SACS: variants seen among roughly 807,000 people sequenced by gnomAD.
The protein encoded by SACS is sacsin.
A neutral mutation model predicts 348.0 loss-of-function variants in SACS; 197 were observed. The observed-to-expected ratio is 0.57, with a 90% CI of 0.50 to 0.64. The LOEUF is 0.64. Among genes scored for constraint, SACS ranks in the 30% least tolerant of loss-of-function variants. The pLI is 0.00. For synonymous variants in SACS, 1,985 were observed against 1,910.6 expected (o/e 1.04, Z -1.02); for missense variants, 4,999 against 5,360.8 (o/e 0.93, Z 2.11).
At chr13:23,413,474 C>T (rs1012452218) in intron 1 of SACS, among the ~76,000 whole-genome samples, 2 of 152,206 alleles carry the variant, frequency 1.3e-5, no homozygotes, top group African/African-American at 4.8e-5. Context: ...TTACTTGTTT[C>T]AGCCCATCCA....
intron 3 of SACS, among the ~76,000 whole-genome samples, chr13:23,371,960 C>G (rs1232051205): frequency 2.0e-5 from 3 of 152,100 alleles, no homozygotes; most frequent in Non-Finnish European, 4.4e-5. Context: ...AAAGAAAGCC[C>G]CAGCCTGGGC....
rs1868650300 is a variant in SACS, at chr13:23,336,809, G to A, written c.7067C>T (p.Ser2356Leu). The A allele has an allele frequency of 6.2e-7, 1 of 1,613,530 alleles. No homozygotes were observed. The change falls in exon 10 of 10, where the codon TCA becomes TTA. Residue 2356 changes from serine (S) to leucine (L), a missense_variant. Around this residue, in one of 6 missense-constraint regions of SACS, gnomAD observed 3,156 missense variants for 3,380.1 expected, o/e 0.93. Coordinates refer to ENST00000382292, the MANE Select transcript of SACS (RefSeq NM_014363.6). ...FILVENAYVD[S>L]EKVSFHLNFE... ...ATTTAAATGAAAAGAAACCTTTTCT[G>A]AGTCAACATATGCATTCTCAACTAG...
chr13:23,372,120 C>T (rs1450460246), intron 3 of SACS, among the ~76,000 whole-genome samples: 2 of 152,136 alleles, frequency 1.3e-5, no homozygotes, highest in Non-Finnish European at 1.5e-5. Flanking sequence ...GAATGGTCCT[C>T]CTGCCGAAGT....
Position 23,352,782 on chromosome 13 carries a change from C to T in SACS, c.2185+1003G>A, listed in dbSNP as rs1397273928. On this transcript the variant is annotated intron_variant, in intron 9 of 9. Coordinates refer to ENST00000382292, the MANE Select transcript of SACS (RefSeq NM_014363.6). The stretch of plus-strand genomic sequence containing the variant: ...TCAGACGTTTGAAAAGTCAGTCTCA[C>T]AGCTACCAACTCATAGATGCAAATC... Among the ~76,000 whole-genome samples the T allele has an allele frequency of 2.0e-5, 3 of 152,304 alleles. No individual in the cohort carries two copies. In the East Asian group the frequency reaches 5.8e-4, roughly 29 times the overall value.
intron 1 of SACS, among the ~76,000 whole-genome samples, chr13:23,418,229 A>G (rs920945592): frequency 2.6e-5 from 4 of 152,154 alleles, no homozygotes; most frequent in African/African-American, 7.2e-5. Context: ...CCTAAGAGAA[A>G]AGCAGAAATT....
intron 6 of SACS, 119 bp from the exon 7 acceptor site, chr13:23,358,600 G>A (rs931102952): frequency 3.9e-6 from 4 of 1,036,384 alleles, no homozygotes; most frequent in Non-Finnish European, 5.9e-6. Flanking sequence ...GGAGTGAATA[G>A]AGTGACTGAA....
intron 1 of SACS, among the ~76,000 whole-genome samples, chr13:23,417,611 G>A (rs1207622739): frequency 6.6e-6 from 1 of 152,108 alleles, no homozygotes; most frequent in Admixed American, 6.5e-5. Flanking sequence ...ACCCCATACT[G>A]TGCACAAGTA....
intron 2 of SACS, among the ~76,000 whole-genome samples, chr13:23,377,275 T>G (rs1714814799): frequency 6.6e-6 from 1 of 152,198 alleles, no homozygotes; most frequent in South Asian, 2.1e-4. Context: ...TGGCAAATTT[T>G]ATGGTATGTG....
chr13:23,370,490 A>T (rs2137812329), intron 4 of SACS, among the ~76,000 whole-genome samples: 1 of 152,278 alleles, frequency 6.6e-6, no homozygotes, highest in East Asian at 1.9e-4. Context: ...TACCCTACCC[A>T]CTTAGTAAGT....
rs1236276616 is a variant in SACS, at chr13:23,371,065, G to C, written c.259+13C>G. The C allele has an allele frequency of 2.6e-6, 4 of 1,528,720 alleles. No individual in the cohort carries two copies. The South Asian group carries it at 4.6e-5, about 18-fold the overall frequency. 94.7% of individuals were successfully genotyped at this position (1,528,720 alleles called of 1,614,324 possible). A position where few individuals can be genotyped will look rare whatever the true frequency, so the allele number is the denominator to read the frequency against. On this transcript the variant is annotated intron_variant, in intron 4 of 9. Transcript: ENST00000382292. ...CAACATGGTATATACTTCTGGTAAA[G>C]TCAATATTATACCTCCCCCTTTTAA...
chr13:23,391,440 A>G (rs9510716), intron 2 of SACS, among the ~76,000 whole-genome samples: 76,675 of 151,838 alleles, frequency 0.5, 20,005 homozygotes, highest in East Asian at 0.8. Context: ...AGGAGTCCCC[A>G]CAGGAGCTGG....
chr13:23,353,044 G>A (rs749580470), intron 9 of SACS, among the ~76,000 whole-genome samples: 19 of 152,090 alleles, frequency 1.2e-4, no homozygotes, highest in Admixed American at 2.6e-4. Flanking sequence ...GAACTTTTCA[G>A]GACAACATCT....
At position 23,330,000 on chromosome 13, in the gene SACS, A is replaced by G; in HGVS notation, c.*136T>C. 2.5e-6 allele frequency: 2 copies of G among 804,726 alleles called. No individual in the cohort carries two copies. The highest frequency in any genetic ancestry group is 3.6e-4 in the Middle Eastern group (1 of 2,800). The allele number at this position is 804,726 out of a possible 1,614,324, so 49.8% of individuals were successfully genotyped here. ...TCCGTTGGTATTCATGTTCATAACA[A>G]CTCCAGAATTCTCCAAGAACAATCT... is the stretch of plus-strand genomic sequence containing the variant. On this transcript the variant is annotated 3_prime_UTR_variant, in exon 10 of 10. Coordinates refer to ENST00000382292, the MANE Select transcript of SACS (RefSeq NM_014363.6).
chr13:23,365,981 C>T (rs1871037676), intron 5 of SACS, among the ~76,000 whole-genome samples: 1 of 152,146 alleles, frequency 6.6e-6, no homozygotes, highest in East Asian at 1.9e-4. Flanking sequence ...CCAATCCTAA[C>T]AACCCCAATC....
intron 1 of SACS, chr13:23,428,682 A>G (rs571270588): frequency 6.6e-6 from 1 of 152,372 alleles, no homozygotes; most frequent in East Asian, 1.9e-4. Flanking sequence ...TACAACAGAA[A>G]AAATACTGTA....
At chr13:23,359,993 G>C (rs2052299185) in intron 6 of SACS, among the ~76,000 whole-genome samples, 1 of 152,176 alleles carries the variant, frequency 6.6e-6, no homozygotes, top group Non-Finnish European at 1.5e-5. Context: ...TCTGTGGAGT[G>C]GAGTGGGGAC....
intron 2 of SACS, among the ~76,000 whole-genome samples, chr13:23,402,920 A>G (rs1593174712): frequency 6.6e-6 from 1 of 151,974 alleles, no homozygotes; most frequent in African/African-American, 2.4e-5. Flanking sequence ...GCTCACGCCT[A>G]TAATCCCAGC....
In SACS at chr13:23,333,489, A is replaced by G. The variant is rs1883623876; in HGVS notation, c.10387T>C (p.Tyr3463His). 3 of 1,613,226 alleles carry G rather than the reference A, an allele frequency of 1.9e-6. No individual in the cohort carries two copies. The highest frequency in any genetic ancestry group is 2.5e-6 in the Non-Finnish European group (3 of 1,179,412). Residue 3463 changes from tyrosine to histidine, a missense_variant, in exon 10 of 10, where the codon TAT (tyrosine) becomes CAT (histidine). Around this residue, in one of 6 missense-constraint regions of SACS, gnomAD observed 734 missense variants for 694.0 expected, o/e 1.06. Coordinates refer to ENST00000382292, the MANE Select transcript of SACS (RefSeq NM_014363.6). ...ACAGGTACACAACCAATCACCTCAT[A>G]TAGTTCTTTTAAGTGTATTTTTTCT... is the stretch of plus-strand genomic sequence containing the variant. ...LEEKIHLKEL[Y>H]EVIGCVPVDD... is the part of the protein sequence containing the mutation.
At chr13:23,356,219 G>C (rs1870378408) in intron 7 of SACS, among the ~76,000 whole-genome samples, 1 of 152,190 alleles carries the variant, frequency 6.6e-6, no homozygotes, top group African/African-American at 2.4e-5. Context: ...GCCAGGCATA[G>C]AGACTTTGCA....
Sources: gnomAD v4.1 joint callset for allele counts (sites outside exome capture counted in the v4.1 genomes callset) on GRCh38, gnomAD v4.1.1 for gene constraint, gnomAD v4.1.1 regional missense constraint, MANE v1.5 for transcripts, NCBI Gene and HGNC (gene_info 2026-07-23, HGNC 2026-07-21) for gene names.